Variants in ARHGAP32 observed in about 807,000 individuals in gnomAD.
ARHGAP32 encodes the protein Rho GTPase activating protein 32, also known as rho GTPase-activating protein 32.
A neutral mutation model predicts 186.5 loss-of-function variants in ARHGAP32; 51 were observed. The ratio of observed to expected loss-of-function variants is 0.27; its 90% CI spans 0.22 to 0.35. The LOEUF is 0.35. ARHGAP32 is among the 10% of genes least tolerant of loss of function. ARHGAP32 has a pLI of 1.00. For missense variants in ARHGAP32, 2,186 were observed against 2,623.5 expected (o/e 0.83, Z 3.64); for synonymous variants, 950 against 964.3 (o/e 0.99, Z 0.27).
chr11:129,140,677 A>C (rs966068493), intron 2 of ARHGAP32, among the ~76,000 whole-genome samples: 1 of 152,176 alleles, frequency 6.6e-6, no homozygotes. Flanking sequence ...GGAGTAAGCT[A>C]TGCACTTGAA....
intron 1 of ARHGAP32, among the ~76,000 whole-genome samples, chr11:129,199,157 A>G (rs1383071914): frequency 6.6e-6 from 1 of 152,236 alleles, no homozygotes; most frequent in Non-Finnish European, 1.5e-5. Context: ...AAAAGCATTC[A>G]GTTTTATAAG....
intron 1 of ARHGAP32, among the ~76,000 whole-genome samples, chr11:129,177,850 T>G (rs1366727175): frequency 1.3e-5 from 2 of 152,168 alleles, no homozygotes; most frequent in Non-Finnish European, 1.5e-5. Context: ...GGGCAAAAAC[T>G]GGAAGCATTC....
At chr11:129,135,751 A>G (rs555250853) in intron 2 of ARHGAP32, among the ~76,000 whole-genome samples, 3 of 151,456 alleles carry the variant, frequency 2.0e-5, no homozygotes, top group East Asian at 1.9e-4. Flanking sequence ...TGGGCAACAG[A>G]GCGAGACTCC....
intron 1 of ARHGAP32, among the ~76,000 whole-genome samples, chr11:129,268,135 T>G (rs1945429158): frequency 6.6e-6 from 1 of 151,986 alleles, no homozygotes; most frequent in African/African-American, 2.4e-5. Context: ...GTCCCAAAAA[T>G]GTTAGGGATG....
chr11:128,978,653 G>T, intron 19 of ARHGAP32, 117 bp downstream of exon 19: 3 of 1,001,214 alleles, frequency 3.0e-6, no homozygotes, highest in Non-Finnish European at 4.2e-6. Flanking sequence ...CTCTGTATGT[G>T]TGACACAACT....
At chr11:129,277,537 T>C (rs1440641379) in intron 1 of ARHGAP32, among the ~76,000 whole-genome samples, 1 of 152,232 alleles carries the variant, frequency 6.6e-6, no homozygotes, top group South Asian at 2.1e-4. Flanking sequence ...CACCTCAATG[T>C]GAACGATCAT....
intron 11 of ARHGAP32, among the ~76,000 whole-genome samples, chr11:129,018,148 C>T (rs1454903665): frequency 2.0e-5 from 3 of 151,916 alleles, no homozygotes; most frequent in South Asian, 4.1e-4. Context: ...TCCTACTTTC[C>T]TTGTATCCTT....
intron 11 of ARHGAP32, among the ~76,000 whole-genome samples, chr11:129,017,307 A>G (rs984363242): frequency 4.6e-5 from 7 of 152,048 alleles, no homozygotes; most frequent in African/African-American, 1.4e-4. Flanking sequence ...TACAAAAATT[A>G]GCCGGGTGTG....
At chr11:129,172,772 G>C (rs2135508814) in intron 1 of ARHGAP32, among the ~76,000 whole-genome samples, 1 of 152,230 alleles carries the variant, frequency 6.6e-6, no homozygotes, top group South Asian at 2.1e-4. Context: ...CAACATACTA[G>C]AATCTCTGGG....
rs180764527 is a variant in ARHGAP32 at position 129,214,143 on chromosome 11, A to G, written c.-4-49716T>C. Among the ~76,000 whole-genome samples, 181 of 152,272 alleles carry G rather than the reference A, an allele frequency of 1.2e-3. 1 individual carries two copies. Among genetic ancestry groups the G allele is most frequent in the African/African-American group, 4.2e-3 (174 of 41,566 alleles). On this transcript the variant is annotated intron_variant, in intron 1 of 6. Coordinates refer to the ARHGAP32 transcript ENST00000525234. ...GGAAAGTCTGAGAAACTGTCACAAC[A>G]AAAAGAAGCCTATGGAGAAATGATG... is the stretch of plus-strand genomic sequence containing the variant.
intron 11 of ARHGAP32, among the ~76,000 whole-genome samples, chr11:129,034,462 T>C (rs375597015): frequency 1.4e-4 from 21 of 151,536 alleles, no homozygotes; most frequent in Non-Finnish European, 2.2e-4. Flanking sequence ...CTGTTCTCCA[T>C]TTCTCCCACT....
intron 1 of ARHGAP32, among the ~76,000 whole-genome samples, chr11:129,200,149 G>C (rs192234460): frequency 6.6e-6 from 1 of 152,294 alleles, no homozygotes; most frequent in Non-Finnish European, 1.5e-5. Flanking sequence ...TGATTTTACA[G>C]GTTCATAGGC....
intron 1 of ARHGAP32, among the ~76,000 whole-genome samples, chr11:129,249,093 C>G (rs1328243489): frequency 1.3e-5 from 2 of 151,992 alleles, no homozygotes; most frequent in Non-Finnish European, 1.5e-5. Context: ...ACAGAGGATA[C>G]ATTTAAAAGA....
At chr11:129,226,677 G>A (rs1054471492) in intron 1 of ARHGAP32, among the ~76,000 whole-genome samples, 2 of 152,000 alleles carry the variant, frequency 1.3e-5, no homozygotes, top group Non-Finnish European at 2.9e-5. Context: ...AATGTACATG[G>A]ATAAATATTC....
intron 5 of ARHGAP32, among the ~76,000 whole-genome samples, chr11:129,103,520 G>A (rs1156630288): frequency 6.6e-6 from 1 of 152,024 alleles, no homozygotes; most frequent in Non-Finnish European, 1.5e-5. Flanking sequence ...TCCAAAATAT[G>A]TGAAAACATC....
intron 6 of ARHGAP32, among the ~76,000 whole-genome samples, chr11:129,068,566 G>A (rs561409648): frequency 6.6e-6 from 1 of 152,076 alleles, no homozygotes; most frequent in East Asian, 1.9e-4. Context: ...TGCAATTCTT[G>A]GCATCATCAG....
chr11:129,202,271 A>C, intron 1 of ARHGAP32, among the ~76,000 whole-genome samples: 1 of 152,296 alleles, frequency 6.6e-6, no homozygotes, highest in South Asian at 2.1e-4. Flanking sequence ...GTTTTAAAGA[A>C]GTTAACAGCA....
chr11:128,985,981 G>GTA, intron 15 of ARHGAP32, 22 bp downstream of exon 15: 1 of 1,588,200 alleles, frequency 6.3e-7, no homozygotes, highest in East Asian at 2.3e-5. Context: ...CCTCTGCCTG[G>GTA]TATTTACCCA....
At chr11:129,008,443 A>G (rs1937902705) in intron 11 of ARHGAP32, among the ~76,000 whole-genome samples, 1 of 152,182 alleles carries the variant, frequency 6.6e-6, no homozygotes, top group Admixed American at 6.5e-5. Flanking sequence ...TCTACACAAG[A>G]TTAGACATCT....
Sources: allele counts gnomAD v4.1 joint callset (sites outside exome capture counted in the v4.1 genomes callset), GRCh38; gene constraint gnomAD v4.1.1; transcripts MANE v1.5; gene names NCBI Gene and HGNC (gene_info 2026-07-23, HGNC 2026-07-21).